The following UBL3 variants were observed in gnomAD, a reference collection of about 807,000 sequenced individuals.
UBL3 encodes ubiquitin like 3, also known as ubiquitin-like protein 3.
UBL3 carries 6 observed loss-of-function variants against 18.4 expected under a neutral mutation model. The observed-to-expected ratio is 0.33, with a 90% confidence interval of 0.18 to 0.64. The LOEUF (loss-of-function observed/expected upper bound fraction) is 0.64. Ranked by LOEUF, UBL3 falls within the 30% of genes least tolerant of loss-of-function variation. The probability of loss-of-function intolerance (pLI) is 0.76; values close to 1 mark genes in which losing one functional copy is unlikely to be tolerated. For missense variants in UBL3, 109 were observed against 142.9 expected (o/e 0.76, Z 1.21); for synonymous variants, 49 against 46.6 (o/e 1.05, Z -0.21).
chr13:29,847,914 C>A (rs568019142), intron 1 of UBL3, among the ~76,000 whole-genome samples: 1 of 152,064 alleles, frequency 6.6e-6, no homozygotes, highest in South Asian at 2.1e-4. Flanking sequence ...AGAAGAGAAG[C>A]GAAAACTAAA....
chr13:29,771,993 G>T, intron 3 of UBL3, 119 bp downstream of exon 3: 1 of 869,886 alleles, frequency 1.1e-6, no homozygotes, highest in Non-Finnish European at 1.8e-6. Context: ...GAAATAGGCA[G>T]AATTCATAGT....
intron 1 of UBL3, among the ~76,000 whole-genome samples, chr13:29,835,357 T>C (rs1467912851): frequency 6.6e-6 from 1 of 150,482 alleles, no homozygotes; most frequent in Non-Finnish European, 1.5e-5. Flanking sequence ...AAACTACCCA[T>C]GCAGATGCAG....
chr13:29,779,412 GCTTT>G (rs1450058830), intron 1 of UBL3, among the ~76,000 whole-genome samples: 6 of 152,032 alleles, frequency 3.9e-5, no homozygotes, highest in African/African-American at 1.4e-4. Flanking sequence ...TTAAATTCAA[GCTTT>G]CTAATTAAGA....
Position 29,777,224 on chromosome 13 carries a change from CTT to C in UBL3, c.65_66del (p.Lys22ArgfsTer7), listed in dbSNP as rs750432475. ...GAATCGTTAGGAGAAAACAGGAACT[CTT>C]TTGTTTTTCCGCTTACCAAAATGAG... ...LRLILVSGKT[K>X]EFLFSPNDSA... On this transcript the variant is annotated frameshift_variant, in exon 2 of 5. Transcript: ENST00000380680. LOFTEE classifies it high-confidence loss of function. The C allele has an allele frequency of 1.2e-6, 2 of 1,610,062 alleles. No homozygotes were observed. Among genetic ancestry groups the C allele is most frequent in the Non-Finnish European group, 1.7e-6 (2 of 1,177,952 alleles).
At chr13:29,829,814 T>C (rs956482453) in intron 1 of UBL3, among the ~76,000 whole-genome samples, 2 of 152,216 alleles carry the variant, frequency 1.3e-5, no homozygotes, top group African/African-American at 4.8e-5. Flanking sequence ...GCTGTTCCTA[T>C]TCGGCCATCT....
intron 1 of UBL3, among the ~76,000 whole-genome samples, chr13:29,818,418 T>C (rs377660982): frequency 2.0e-5 from 3 of 152,160 alleles, no homozygotes; most frequent in African/African-American, 7.2e-5. Context: ...AAGAAAACTG[T>C]TTAGGTCACT....
intron 1 of UBL3, among the ~76,000 whole-genome samples, chr13:29,793,196 A>C (rs1356915361): frequency 6.6e-6 from 1 of 152,220 alleles, no homozygotes; most frequent in Non-Finnish European, 1.5e-5. Context: ...GCTAAGGAAA[A>C]GAACAGATAA....
intron 1 of UBL3, among the ~76,000 whole-genome samples, chr13:29,848,979 C>T (rs1160585176): frequency 6.6e-6 from 1 of 152,216 alleles, no homozygotes; most frequent in East Asian, 1.9e-4. Context: ...CTTTATATTT[C>T]TGTTGCCATC....
chr13:29,810,129 A>G (rs1288964913), intron 1 of UBL3, among the ~76,000 whole-genome samples: 1 of 152,118 alleles, frequency 6.6e-6, no homozygotes, highest in African/African-American at 2.4e-5. Context: ...GAAACTGAGG[A>G]ATTAAGGTTA....
chr13:29,845,578 A>G (rs1050586399), intron 1 of UBL3, among the ~76,000 whole-genome samples: 4 of 152,120 alleles, frequency 2.6e-5, no homozygotes, highest in Non-Finnish European at 1.5e-5. Flanking sequence ...GAAAAGTGAT[A>G]AAAGTTCACT....
chr13:29,829,967 C>T (rs974925595), intron 1 of UBL3, among the ~76,000 whole-genome samples: 11 of 152,144 alleles, frequency 7.2e-5, no homozygotes, highest in Non-Finnish European at 1.3e-4. Flanking sequence ...TCAAACAGAG[C>T]GAAAGTGGAT....
chr13:29,835,101 T>C (rs9579487), intron 1 of UBL3, among the ~76,000 whole-genome samples: 3 of 45,004 alleles, frequency 6.7e-5, no homozygotes, highest in Non-Finnish European at 1.0e-4. Context: ...TATATATATA[T>C]ATATAAATAT....
At chr13:29,828,552 C>G (rs1878684856) in intron 1 of UBL3, among the ~76,000 whole-genome samples, 1 of 152,164 alleles carries the variant, frequency 6.6e-6, no homozygotes, top group South Asian at 2.1e-4. Context: ...CTTCTCTACA[C>G]TGGTTATTCT....
chr13:29,786,603 A>T (rs1331254645), intron 1 of UBL3, among the ~76,000 whole-genome samples: 1 of 152,258 alleles, frequency 6.6e-6, no homozygotes, highest in Non-Finnish European at 1.5e-5. Flanking sequence ...AATTTAAGCC[A>T]TCTGTGAAAA....
chr13:29,782,775 C>T (rs1009430090), intron 1 of UBL3, among the ~76,000 whole-genome samples: 3 of 152,194 alleles, frequency 2.0e-5, no homozygotes, highest in Admixed American at 6.5e-5. Flanking sequence ...ACAACTGCAA[C>T]AGTAACTGTG....
rs183010720 is a variant in UBL3 at position 29,785,291 on chromosome 13, G to C, written c.28-8028C>G. 1.8e-4 allele frequency among the ~76,000 whole-genome samples: 28 copies of C among 152,234 alleles called. No homozygotes were observed. In the East Asian group the frequency reaches 5.4e-3, roughly 29 times the overall value. On this transcript the variant is annotated intron_variant, in intron 1 of 4. Transcript: ENST00000380680. ...GGAAAACTGGGTGAACAGTGTTGGGGATTTCTCTGTATTATTTCTGAAAAC... is the reference window on the plus strand; with the variant it reads ...GGAAAACTGGGTGAACAGTGTTGGGCATTTCTCTGTATTATTTCTGAAAAC...
intron 1 of UBL3, among the ~76,000 whole-genome samples, chr13:29,816,206 T>C (rs1054138999): frequency 2.0e-5 from 3 of 152,168 alleles, no homozygotes; most frequent in Non-Finnish European, 4.4e-5. Flanking sequence ...AATTTTATTA[T>C]TGAATAATAT....
intron 1 of UBL3, among the ~76,000 whole-genome samples, chr13:29,814,404 TCTA>T (rs1357613712): frequency 1.3e-5 from 2 of 151,930 alleles, no homozygotes; most frequent in Admixed American, 6.6e-5. Flanking sequence ...ATTAAGAGCT[TCTA>T]CTGTTATCAT....
At chr13:29,781,030 C>G (rs1369666749) in intron 1 of UBL3, among the ~76,000 whole-genome samples, 1 of 152,068 alleles carries the variant, frequency 6.6e-6, no homozygotes, top group African/African-American at 2.4e-5. Context: ...AAAATATTAG[C>G]AGAGCATGGT....
Sources: gnomAD v4.1 joint callset for allele counts (sites outside exome capture counted in the v4.1 genomes callset) on GRCh38, gnomAD v4.1.1 for gene constraint, MANE v1.5 for transcripts, NCBI Gene and HGNC (gene_info 2026-07-23, HGNC 2026-07-21) for gene names.